Variants in GRID2 observed in about 807,000 individuals in gnomAD.
GRID2 encodes glutamate ionotropic receptor delta type subunit 2.
In GRID2, 33 loss-of-function variants were observed where a neutral mutation model predicts 114.8. The ratio of observed to expected loss-of-function variants is 0.29; its 90% CI spans 0.22 to 0.38. The LOEUF is 0.38. GRID2 is among the 10% of genes least tolerant of loss of function. The pLI is 1.00. For synonymous variants in GRID2, 505 were observed against 449.9 expected, an observed-to-expected ratio of 1.12 and a Z score of -1.55; for missense variants, 1,184 against 1,257.7, an observed-to-expected ratio of 0.94 and a Z score of 0.89.
intron 2 of GRID2, among the ~76,000 whole-genome samples, chr4:92,773,063 CTTGTA>C (rs1398501432): frequency 6.6e-6 from 1 of 152,284 alleles, no homozygotes. Flanking sequence ...ATATTTTTCA[CTTGTA>C]TTGTCTTTAC....
intron 1 of GRID2, among the ~76,000 whole-genome samples, chr4:92,519,130 T>C (rs541411914): frequency 6.6e-6 from 1 of 151,994 alleles, no homozygotes; most frequent in East Asian, 1.9e-4. Flanking sequence ...TAACCTTTAT[T>C]TAGCTTGGTT....
chr4:92,452,649 T>G (rs1214420975), intron 1 of GRID2, among the ~76,000 whole-genome samples: 2 of 151,884 alleles, frequency 1.3e-5, no homozygotes, highest in African/African-American at 4.8e-5. Flanking sequence ...TAATGTAAGT[T>G]TTTTATGAAG....
chr4:92,392,386 A>G (rs1457207405), intron 1 of GRID2, among the ~76,000 whole-genome samples: 5 of 152,024 alleles, frequency 3.3e-5, no homozygotes, highest in Non-Finnish European at 7.4e-5. Context: ...TGAAAATACA[A>G]AAATTATCTG....
chr4:92,600,032 G>GTATATATAAA lies in GRID2; in HGVS notation c.244+9747_244+9748insATATATAAAT, dbSNP rs1729133003. On this transcript the variant is annotated intron_variant, in intron 2 of 15. Coordinates refer to ENST00000282020, the MANE Select transcript of GRID2 (RefSeq NM_001510.4). ...AGGGCAATACTTCATGTATGTGTGT[G>GTATATATAAA]TGTGTGTGTGTGTATATATATATAT... 1.4e-3 allele frequency among the ~76,000 whole-genome samples: 104 copies of GTATATATAAA among 72,990 alleles called. 4 individuals carry two copies. Among genetic ancestry groups the GTATATATAAA allele is most frequent in the South Asian group, 4.0e-3 (8 of 2,018 alleles). The allele number at this position is 72,990 out of a possible 152,430, so 47.9% of individuals were successfully genotyped here.
chr4:93,091,083 G>A (rs1165240034), intron 3 of GRID2, among the ~76,000 whole-genome samples: 1 of 152,022 alleles, frequency 6.6e-6, no homozygotes, highest in Non-Finnish European at 1.5e-5. Context: ...CCTTTTGTTT[G>A]GCTGCTTTTA....
chr4:93,703,144 T>A (rs541133813), intron 14 of GRID2, among the ~76,000 whole-genome samples: 1 of 152,280 alleles, frequency 6.6e-6, no homozygotes, highest in African/African-American at 2.4e-5. Flanking sequence ...CAAGCATGTA[T>A]TCATGTTAAT....
intron 14 of GRID2, among the ~76,000 whole-genome samples, chr4:93,666,069 AT>A (rs1400973900): frequency 2.6e-5 from 4 of 152,102 alleles, no homozygotes; most frequent in Non-Finnish European, 4.4e-5. Context: ...TTTAGGTTTT[AT>A]TTCCCAAAAT....
chr4:93,683,849 T>C (rs1725831326), intron 14 of GRID2, among the ~76,000 whole-genome samples: 1 of 152,106 alleles, frequency 6.6e-6, no homozygotes, highest in African/African-American at 2.4e-5. Context: ...CCAACACAAT[T>C]GTGGTGTATT....
intron 12 of GRID2, among the ~76,000 whole-genome samples, chr4:93,503,715 C>G (rs1389050649): frequency 6.6e-6 from 1 of 152,070 alleles, no homozygotes; most frequent in African/African-American, 2.4e-5. Context: ...TCTTCGCTCA[C>G]TGCACAAATA....
chr4:92,308,464 C>A (rs183691695), intron 1 of GRID2, among the ~76,000 whole-genome samples: 163 of 152,182 alleles, frequency 1.1e-3, no homozygotes, highest in Admixed American at 2.7e-3. Flanking sequence ...TGCATTTATT[C>A]ATGTTTTTCT....
At chr4:92,766,572 AGGAAT>A (rs2149349002) in intron 2 of GRID2, among the ~76,000 whole-genome samples, 1 of 151,722 alleles carries the variant, frequency 6.6e-6, no homozygotes, top group East Asian at 1.9e-4. Flanking sequence ...ACTTTCACTA[AGGAAT>A]GGTAATGTAT....
At chr4:92,898,967 C>T (rs990935551) in intron 2 of GRID2, among the ~76,000 whole-genome samples, 8 of 151,956 alleles carry the variant, frequency 5.3e-5, no homozygotes, top group African/African-American at 1.9e-4. Context: ...GAGTTTTACA[C>T]AACATAACAT....
At chr4:92,719,791 G>A (rs1735727070) in intron 2 of GRID2, among the ~76,000 whole-genome samples, 1 of 152,100 alleles carries the variant, frequency 6.6e-6, no homozygotes, top group African/African-American at 2.4e-5. Context: ...AAGAAGTGAA[G>A]GCTCTTAATG....
chr4:92,851,614 A>C (rs956240869), intron 2 of GRID2, among the ~76,000 whole-genome samples: 9 of 152,000 alleles, frequency 5.9e-5, no homozygotes, highest in Non-Finnish European at 1.3e-4. Context: ...AGGCATATCA[A>C]ACATTAGTAT....
chr4:92,996,573 C>G (rs1206734859), intron 2 of GRID2, among the ~76,000 whole-genome samples: 1 of 152,090 alleles, frequency 6.6e-6, no homozygotes, highest in African/African-American at 2.4e-5. Flanking sequence ...CTGATGTCTT[C>G]AGGAGATTGA....
chr4:92,979,458 C>T (rs79055996), intron 2 of GRID2, among the ~76,000 whole-genome samples: 2,021 of 152,100 alleles, frequency 0.013, 30 homozygotes, highest in Middle Eastern at 0.092. Context: ...TGTAAAATCT[C>T]AGGTCGTTTT....
chr4:93,221,997 C>T (rs989803283), intron 6 of GRID2, among the ~76,000 whole-genome samples: 2 of 152,130 alleles, frequency 1.3e-5, no homozygotes, highest in Non-Finnish European at 2.9e-5. Context: ...CCAGATTTTT[C>T]GTGTCTCAAC....
At chr4:93,779,728 A>C (rs2110349607) in intron 1 of GRID2, among the ~76,000 whole-genome samples, 1 of 152,338 alleles carries the variant, frequency 6.6e-6, no homozygotes, top group Middle Eastern at 3.4e-3. Flanking sequence ...CCTAAGCACC[A>C]AGAATGTGGA....
At chr4:93,655,858 A>C (rs894632823) in intron 14 of GRID2, among the ~76,000 whole-genome samples, 2 of 152,046 alleles carry the variant, frequency 1.3e-5, no homozygotes, top group Admixed American at 1.3e-4. Flanking sequence ...ATGTACACTC[A>C]GAAAAGTCAT....
Sources: gnomAD v4.1 joint callset for allele counts (sites outside exome capture counted in the v4.1 genomes callset) on GRCh38, gnomAD v4.1.1 for gene constraint, MANE v1.5 for transcripts, NCBI Gene and HGNC (gene_info 2026-07-23, HGNC 2026-07-21) for gene names.